The following SLC30A9 variants were observed in gnomAD, a reference collection of about 807,000 sequenced individuals.
The protein encoded by SLC30A9 is solute carrier family 30 member 9.
SLC30A9 carries 58 observed loss-of-function variants against 87.5 expected under a neutral mutation model. That is an observed-to-expected ratio of 0.66 (90% CI 0.54 to 0.82). SLC30A9 has a LOEUF of 0.82. Among genes scored for constraint, SLC30A9 ranks in the 40% least tolerant of loss-of-function variants. SLC30A9 has a pLI of 0.00. For missense variants in SLC30A9, 557 were observed against 679.1 expected (o/e 0.82, Z 2.00); for synonymous variants, 234 against 233.0 (o/e 1.00, Z -0.04).
intron 6 of SLC30A9, among the ~76,000 whole-genome samples, chr4:42,033,335 T>C (rs2153136811): frequency 6.6e-6 from 1 of 151,870 alleles, no homozygotes; most frequent in Admixed American, 6.5e-5. Flanking sequence ...TTTTTTTTAA[T>C]ACTTAAAATA....
chr4:42,037,086 G>A (rs1482795148), intron 7 of SLC30A9, among the ~76,000 whole-genome samples: 2 of 151,664 alleles, frequency 1.3e-5, no homozygotes, highest in African/African-American at 4.8e-5. Context: ...CTATTACAAC[G>A]TTTTTTTGCT....
intron 1 of SLC30A9, among the ~76,000 whole-genome samples, chr4:41,994,008 C>G (rs772738867): frequency 3.3e-5 from 5 of 151,890 alleles, no homozygotes; most frequent in Non-Finnish European, 7.4e-5. Context: ...AATACAAAAA[C>G]TAGCTGGGCA....
chr4:41,995,543 C>A (rs571381333), intron 1 of SLC30A9, among the ~76,000 whole-genome samples: 198 of 152,170 alleles, frequency 1.3e-3, no homozygotes, highest in Non-Finnish European at 2.3e-3. Context: ...TAGAAAGTAG[C>A]CAGGATGGGC....
At chr4:42,040,661 T>C (rs969483896) in intron 8 of SLC30A9, among the ~76,000 whole-genome samples, 3 of 151,576 alleles carry the variant, frequency 2.0e-5, no homozygotes, top group African/African-American at 7.3e-5. Context: ...CTGGGCGTAG[T>C]GGTGGGCGCC....
At chr4:42,000,597 G>A (rs1435247037) in intron 1 of SLC30A9, among the ~76,000 whole-genome samples, 1 of 152,008 alleles carries the variant, frequency 6.6e-6, no homozygotes, top group African/African-American at 2.4e-5. Context: ...GAATACTTAT[G>A]TTCCCTTATG....
At chr4:42,038,554 A>T (rs1000479359) in intron 7 of SLC30A9, among the ~76,000 whole-genome samples, 1 of 152,222 alleles carries the variant, frequency 6.6e-6, no homozygotes, top group Admixed American at 6.5e-5. Context: ...TTTATGGCTT[A>T]CAAATCGAAG....
intron 1 of SLC30A9, 75 bp downstream of exon 1, chr4:41,990,835 G>T: frequency 9.4e-7 from 1 of 1,063,166 alleles, no homozygotes; most frequent in South Asian, 1.3e-5. Context: ...CGCCTCGCCT[G>T]GGGCAATTCG....
At chr4:42,049,030 A>G (rs1353175093) in intron 8 of SLC30A9, among the ~76,000 whole-genome samples, 2 of 152,148 alleles carry the variant, frequency 1.3e-5, no homozygotes, top group Admixed American at 6.5e-5. Context: ...TGGCACGATC[A>G]TAGCTCACTT....
At position 41,997,564 on chromosome 4, in the gene SLC30A9, C is replaced by T. The variant is rs555782982; in HGVS notation, c.110-4052C>T. On this transcript the variant is annotated intron_variant, in intron 1 of 17. Coordinates refer to ENST00000264451, the MANE Select transcript of SLC30A9 (RefSeq NM_006345.4). ...TTGAAATCATACTGTATAAGTCTTCCGCTTTTTTTATGCAACATTATAACA... is the reference window on the plus strand; with the variant it reads ...TTGAAATCATACTGTATAAGTCTTCTGCTTTTTTTATGCAACATTATAACA... Among the ~76,000 whole-genome samples, 334 of 151,036 alleles carry T rather than the reference C, an allele frequency of 2.2e-3. 1 individual carries two copies. Among genetic ancestry groups the T allele is most frequent in the African/African-American group, 7.9e-3 (324 of 40,950 alleles).
chr4:42,057,340 T>C (rs1215121088), intron 9 of SLC30A9, among the ~76,000 whole-genome samples: 1 of 152,162 alleles, frequency 6.6e-6, no homozygotes. Flanking sequence ...CATCCAGGTG[T>C]TTCCCATACA....
chr4:41,994,893 A>G (rs374794100), intron 1 of SLC30A9, among the ~76,000 whole-genome samples: 4,248 of 146,438 alleles, frequency 0.029, 104 homozygotes, highest in Middle Eastern at 0.073. Context: ...GAGGTTGGGG[A>G]GGAGGAGGGA....
intron 9 of SLC30A9, among the ~76,000 whole-genome samples, chr4:42,054,053 A>C (rs1435823929): frequency 6.6e-6 from 1 of 152,160 alleles, no homozygotes; most frequent in African/African-American, 2.4e-5. Context: ...ATTTGTTAAC[A>C]ACCAGAACTG....
intron 6 of SLC30A9, among the ~76,000 whole-genome samples, chr4:42,027,172 A>G (rs1716228760): frequency 6.6e-6 from 1 of 152,196 alleles, no homozygotes; most frequent in Non-Finnish European, 1.5e-5. Flanking sequence ...AGTGGTTTTC[A>G]TATTTTTAAT....
chr4:42,026,631 T>C (rs1255831499), intron 6 of SLC30A9, among the ~76,000 whole-genome samples: 2 of 152,188 alleles, frequency 1.3e-5, no homozygotes, highest in African/African-American at 4.8e-5. Context: ...TTATTAGTAT[T>C]AGAAAGGGAC....
At chr4:41,997,638 A>T (rs1015206320) in intron 1 of SLC30A9, among the ~76,000 whole-genome samples, 1 of 152,222 alleles carries the variant, frequency 6.6e-6, no homozygotes, top group African/African-American at 2.4e-5. Flanking sequence ...ACATAATAAA[A>T]GTATAGTTAC....
At chr4:41,990,824 GC>G (rs1714401318) in intron 1 of SLC30A9, 64 bp downstream of exon 1, 8 of 1,226,484 alleles carry the variant, frequency 6.5e-6, no homozygotes, top group Middle Eastern at 2.5e-4. Flanking sequence ...GCTGGGCTCG[GC>G]GCCTCGCCTG....
chr4:41,990,903 C>T, intron 1 of SLC30A9, 143 bp downstream of exon 1: 1 of 638,870 alleles, frequency 1.6e-6, no homozygotes, highest in South Asian at 1.8e-5. Flanking sequence ...CTTTCCAGTT[C>T]AGCCTGCGCA....
chr4:42,008,522 A>G (rs1340295873), intron 2 of SLC30A9, among the ~76,000 whole-genome samples: 1 of 152,194 alleles, frequency 6.6e-6, no homozygotes, highest in Admixed American at 6.5e-5. Flanking sequence ...TTTTACCTAT[A>G]CATAGATGGA....
intron 11 of SLC30A9, among the ~76,000 whole-genome samples, chr4:42,063,818 T>C (rs1199533435): frequency 6.6e-6 from 1 of 152,170 alleles, no homozygotes; most frequent in Non-Finnish European, 1.5e-5. Flanking sequence ...GCTGCCCAAA[T>C]TGATCACATA....
Sources: allele counts gnomAD v4.1 joint callset (sites outside exome capture counted in the v4.1 genomes callset), GRCh38; gene constraint gnomAD v4.1.1; transcripts MANE v1.5; gene names NCBI Gene and HGNC (gene_info 2026-07-23, HGNC 2026-07-21).